CNTNAP2: variants seen among roughly 807,000 people sequenced by gnomAD.
CNTNAP2 encodes contactin associated protein 2.
CNTNAP2 carries 98 observed loss-of-function variants against 155.2 expected under a neutral mutation model. The ratio of observed to expected loss-of-function variants is 0.63; its 90% CI spans 0.54 to 0.75. The LOEUF (loss-of-function observed/expected upper bound fraction) is 0.75, where lower values mean the gene tolerates loss of function less well. Among genes scored for constraint, CNTNAP2 ranks in the 30% least tolerant of loss-of-function variants. The probability of loss-of-function intolerance (pLI) is 0.00; values close to 1 mark genes in which losing one functional copy is unlikely to be tolerated. For missense variants in CNTNAP2, 1,727 were observed against 1,688.1 expected, an observed-to-expected ratio of 1.02 and a Z score of -0.40; for synonymous variants, 651 against 631.2, an observed-to-expected ratio of 1.03 and a Z score of -0.47.
At chr7:148,203,217 A>G (rs1795393878) in intron 18 of CNTNAP2, among the ~76,000 whole-genome samples, 2 of 152,168 alleles carry the variant, frequency 1.3e-5, no homozygotes, top group East Asian at 1.9e-4. Context: ...AAAAATATGT[A>G]TATGGCCAAA....
intron 21 of CNTNAP2, among the ~76,000 whole-genome samples, chr7:148,341,284 A>C (rs6979542): frequency 1.1e-5 from 1 of 93,288 alleles, no homozygotes; most frequent in East Asian, 2.3e-4. Context: ...TTTTTTTTTT[A>C]ATTTTTTTTT....
At chr7:148,415,367 G>A (rs1554432730) in intron 23 of CNTNAP2, 50 bp from the exon 24 acceptor site, 9 of 1,596,738 alleles carry the variant, frequency 5.6e-6, no homozygotes, top group Middle Eastern at 3.5e-4. Context: ...CAGTGTTGGA[G>A]GGACTCCCAA....
intron 3 of CNTNAP2, among the ~76,000 whole-genome samples, chr7:147,013,254 T>C (rs935666954): frequency 1.3e-5 from 2 of 152,094 alleles, no homozygotes; most frequent in Admixed American, 6.6e-5. Flanking sequence ...CTGAGAGATG[T>C]CCCTGGAATG....
chr7:147,760,168 T>G (rs1797277230), intron 13 of CNTNAP2, among the ~76,000 whole-genome samples: 4 of 152,126 alleles, frequency 2.6e-5, no homozygotes, highest in Admixed American at 2.6e-4. Context: ...ATATGATGAT[T>G]TATCATTTGT....
At chr7:147,981,907 G>A (rs73168533) in intron 15 of CNTNAP2, among the ~76,000 whole-genome samples, 55,540 of 151,148 alleles carry the variant, frequency 0.37, 12,058 homozygotes, top group Middle Eastern at 0.63. Context: ...GAGTGGTGAC[G>A]GATGGTTCGC....
chr7:147,229,928 A>G (rs2116615096), intron 8 of CNTNAP2, among the ~76,000 whole-genome samples: 1 of 152,338 alleles, frequency 6.6e-6, no homozygotes, highest in South Asian at 2.1e-4. Flanking sequence ...AATATTAAAT[A>G]TAAATTCTGC....
chr7:148,119,638 T>G (rs148315310), intron 16 of CNTNAP2, among the ~76,000 whole-genome samples: 3 of 152,354 alleles, frequency 2.0e-5, no homozygotes, highest in African/African-American at 7.2e-5. Context: ...CCATTTCTGC[T>G]GAAATGCTAT....
chr7:147,662,602 G>A (rs576426379), intron 13 of CNTNAP2, among the ~76,000 whole-genome samples: 325 of 152,316 alleles, frequency 2.1e-3, no homozygotes, highest in Non-Finnish European at 3.2e-3. Context: ...GTATGGGTGC[G>A]AGTGAGTGAT....
chr7:148,056,976 A>G lies in CNTNAP2; in HGVS notation c.2384-61142A>G, dbSNP rs183456649. On this transcript the variant is annotated intron_variant, in intron 15 of 23. Coordinates refer to ENST00000361727, the MANE Select transcript of CNTNAP2 (RefSeq NM_014141.6). ...AATTAAAAGCTCAGACTTTATAGAC[A>G]AACAGACCTGGGTTTGAATCCTATT... Among the ~76,000 whole-genome samples the G allele has an allele frequency of 1.2e-3, 186 of 152,294 alleles. 1 individual carries two copies. The highest frequency in any genetic ancestry group is 8.8e-4 in the Non-Finnish European group (60 of 68,024).
intron 13 of CNTNAP2, among the ~76,000 whole-genome samples, chr7:147,719,772 G>T (rs895353208): frequency 6.6e-6 from 1 of 151,988 alleles, no homozygotes; most frequent in Non-Finnish European, 1.5e-5. Flanking sequence ...GTAGCCACCC[G>T]CACTGTGACT....
chr7:147,420,645 A>G (rs909336758), intron 10 of CNTNAP2, among the ~76,000 whole-genome samples: 2 of 152,218 alleles, frequency 1.3e-5, no homozygotes, highest in African/African-American at 4.8e-5. Flanking sequence ...TTACTCCCTC[A>G]AAAAATTCAT....
At position 147,801,087 on chromosome 7, in the gene CNTNAP2, A is replaced by G. The variant is rs562732224; in HGVS notation, c.2099-102478A>G. On this transcript the variant is annotated intron_variant, in intron 13 of 23. Coordinates refer to ENST00000361727, the MANE Select transcript of CNTNAP2 (RefSeq NM_014141.6). ...CAAAGTGACTCTACTGGAAAACAAAATATTTCGTACAAAGCCTGGGATGTG... is the reference window on the plus strand; with the variant it reads ...CAAAGTGACTCTACTGGAAAACAAAGTATTTCGTACAAAGCCTGGGATGTG... 9.9e-4 allele frequency among the ~76,000 whole-genome samples: 151 copies of G among 152,308 alleles called. 1 individual carries two copies. Among genetic ancestry groups the G allele is most frequent in the African/African-American group, 3.5e-3 (145 of 41,570 alleles).
chr7:147,830,304 G>A (rs925271082), intron 13 of CNTNAP2, among the ~76,000 whole-genome samples: 3 of 152,004 alleles, frequency 2.0e-5, no homozygotes, highest in Admixed American at 1.3e-4. Flanking sequence ...TCTGTTCATA[G>A]ATGGCTCTTT....
chr7:147,242,837 C>T (rs1038125099), intron 8 of CNTNAP2, among the ~76,000 whole-genome samples: 1 of 152,012 alleles, frequency 6.6e-6, no homozygotes, highest in African/African-American at 2.4e-5. Flanking sequence ...CCTTTCCTTA[C>T]CATTAACTTT....
chr7:146,778,759 A>C (rs1301907356), intron 2 of CNTNAP2, among the ~76,000 whole-genome samples: 1 of 152,232 alleles, frequency 6.6e-6, no homozygotes, highest in Non-Finnish European at 1.5e-5. Flanking sequence ...AAGAATGGTC[A>C]GTTAGAGATG....
intron 13 of CNTNAP2, among the ~76,000 whole-genome samples, chr7:147,888,698 T>TTTTTTTTTTTTTTTTTTTTTTTTTTGA (rs1554445754): frequency 6.6e-6 from 1 of 150,664 alleles, no homozygotes; most frequent in Non-Finnish European, 1.5e-5. Context: ...ATTGACTTCT[T>TTTTTTTTTTTTTTTTTTTTTTTTTTGA]GACAATGGAA....
chr7:147,151,482 A>T (rs1287418944), intron 8 of CNTNAP2, among the ~76,000 whole-genome samples: 2 of 152,248 alleles, frequency 1.3e-5, no homozygotes, highest in South Asian at 2.1e-4. Context: ...ATAAACTATA[A>T]TTTTTTTCAG....
At chr7:148,233,544 T>C (rs1795997740) in intron 20 of CNTNAP2, among the ~76,000 whole-genome samples, 1 of 152,194 alleles carries the variant, frequency 6.6e-6, no homozygotes, top group African/African-American at 2.4e-5. Flanking sequence ...TGTTATTATA[T>C]CATTTTTATT....
At chr7:147,257,417 T>C (rs774204006) in intron 8 of CNTNAP2, among the ~76,000 whole-genome samples, 2 of 152,178 alleles carry the variant, frequency 1.3e-5, no homozygotes, top group African/African-American at 4.8e-5. Context: ...GAGCACTCCT[T>C]TGGGGCTCCA....
Sources: allele counts gnomAD v4.1 joint callset (sites outside exome capture counted in the v4.1 genomes callset), GRCh38; gene constraint gnomAD v4.1.1; transcripts MANE v1.5; gene names NCBI Gene and HGNC (gene_info 2026-07-23, HGNC 2026-07-21).